The following MYO1D variants were observed in gnomAD, a reference collection of about 807,000 sequenced individuals.
MYO1D encodes the protein myosin ID.
MYO1D carries 83 observed loss-of-function variants against 122.0 expected under a neutral mutation model. The ratio of observed to expected loss-of-function variants is 0.68; its 90% CI spans 0.57 to 0.82. The LOEUF (loss-of-function observed/expected upper bound fraction) is 0.82, where lower values mean the gene tolerates loss of function less well. Among genes scored for constraint, MYO1D ranks in the 40% least tolerant of loss-of-function variants. MYO1D has a pLI of 0.00. For missense variants in MYO1D, 1,157 were observed against 1,269.5 expected, an observed-to-expected ratio of 0.91 and a Z score of 1.35; for synonymous variants, 464 against 446.9, an observed-to-expected ratio of 1.04 and a Z score of -0.48.
chr17:32,720,515 T>G lies in MYO1D; in HGVS notation c.1913+508A>C, dbSNP rs533296148. Among the ~76,000 whole-genome samples, 28 of 152,308 alleles carry G rather than the reference T, an allele frequency of 1.8e-4. No individual in the cohort carries two copies. In the South Asian group the frequency reaches 5.6e-3, roughly 30 times the overall value. On this transcript the variant is annotated intron_variant, in intron 15 of 21. Transcript: ENST00000318217. ...AGGCAGACTGATTTCAGGTCCTCCA[T>G]GCTTAACTCCTTAATATTTTATTAT...
intron 1 of MYO1D, among the ~76,000 whole-genome samples, chr17:32,834,458 T>C (rs2090802734): frequency 6.6e-6 from 1 of 152,214 alleles, no homozygotes; most frequent in South Asian, 2.1e-4. Flanking sequence ...ATGTGAATTA[T>C]CCTCAATTCT....
chr17:32,688,173 T>C (rs2089044627), intron 16 of MYO1D, among the ~76,000 whole-genome samples: 1 of 152,194 alleles, frequency 6.6e-6, no homozygotes, highest in Non-Finnish European at 1.5e-5. Context: ...GAGATTTGCC[T>C]TCCTTGCCCA....
At chr17:32,564,948 C>T (rs1327071650) in intron 21 of MYO1D, among the ~76,000 whole-genome samples, 1 of 152,232 alleles carries the variant, frequency 6.6e-6, no homozygotes. Context: ...GATGATAACT[C>T]TTCCTGCTTC....
At chr17:32,722,916 C>T (rs1195111930) in intron 14 of MYO1D, among the ~76,000 whole-genome samples, 1 of 151,982 alleles carries the variant, frequency 6.6e-6, no homozygotes, top group Non-Finnish European at 1.5e-5. Context: ...CAGAAAACTC[C>T]GTCATGTGCT....
At chr17:32,779,298 A>C (rs2090211940) in intron 2 of MYO1D, among the ~76,000 whole-genome samples, 1 of 152,124 alleles carries the variant, frequency 6.6e-6, no homozygotes, top group African/African-American at 2.4e-5. Flanking sequence ...AGTCATGGCT[A>C]AAATCTGGAA....
intron 21 of MYO1D, among the ~76,000 whole-genome samples, chr17:32,567,938 T>C (rs1446699827): frequency 6.6e-6 from 1 of 152,128 alleles, no homozygotes; most frequent in East Asian, 1.9e-4. Context: ...ATTCAGTAGT[T>C]TCAGGAAAGA....
At chr17:32,864,955 T>C (rs1362652173) in intron 1 of MYO1D, among the ~76,000 whole-genome samples, 1 of 152,176 alleles carries the variant, frequency 6.6e-6, no homozygotes, top group Non-Finnish European at 1.5e-5. Context: ...ACAGTTGTAC[T>C]CACTGACATT....
At chr17:32,776,764 A>G (rs1174422178) in intron 3 of MYO1D, among the ~76,000 whole-genome samples, 1 of 152,212 alleles carries the variant, frequency 6.6e-6, no homozygotes. Flanking sequence ...TCTCCTTTGT[A>G]CCAGCCATTT....
chr17:32,831,432 G>A (rs2090770659), intron 1 of MYO1D, among the ~76,000 whole-genome samples: 1 of 152,124 alleles, frequency 6.6e-6, no homozygotes, highest in African/African-American at 2.4e-5. Flanking sequence ...ACTAATTTGT[G>A]AACATTGCTT....
intron 20 of MYO1D, among the ~76,000 whole-genome samples, chr17:32,623,227 GA>G (rs1198688489): frequency 2.6e-5 from 4 of 152,142 alleles, no homozygotes; most frequent in Non-Finnish European, 4.4e-5. Flanking sequence ...TCTATGCTTA[GA>G]TATGGTTCCA....
intron 16 of MYO1D, among the ~76,000 whole-genome samples, chr17:32,691,649 C>T (rs936986804): frequency 3.9e-5 from 6 of 152,144 alleles, no homozygotes; most frequent in African/African-American, 7.2e-5. Context: ...TCAGGTGATC[C>T]GCCCACCTTG....
At chr17:32,651,674 CTT>C (rs869114531) in intron 19 of MYO1D, among the ~76,000 whole-genome samples, 17 of 134,086 alleles carry the variant, frequency 1.3e-4, no homozygotes, top group Admixed American at 2.2e-4. Flanking sequence ...CTTTTTCCCA[CTT>C]TTTTTTTTTT....
intron 20 of MYO1D, among the ~76,000 whole-genome samples, chr17:32,632,698 G>A (rs373730873): frequency 6.0e-5 from 9 of 150,598 alleles, no homozygotes; most frequent in Admixed American, 3.3e-4. Context: ...ATCATCCCCC[G>A]CTCTTTTTCC....
chr17:32,787,465 C>A (rs1255460512), intron 1 of MYO1D, among the ~76,000 whole-genome samples: 3 of 151,454 alleles, frequency 2.0e-5, no homozygotes, highest in African/African-American at 7.3e-5. Flanking sequence ...GTCGCCCAGG[C>A]TGGAGTGCAG....
intron 16 of MYO1D, among the ~76,000 whole-genome samples, chr17:32,679,265 TA>T (rs2088870591): frequency 1.3e-5 from 2 of 151,226 alleles, no homozygotes; most frequent in Non-Finnish European, 1.5e-5. Context: ...TTAGTTTAAT[TA>T]GATCCCATTT....
rs1217854904 is a variant in MYO1D at position 32,778,473 on chromosome 17, C to CTCT, written c.398+4_398+6dup. The CTCT allele has an allele frequency of 1.9e-6, 3 of 1,608,226 alleles. No individual in the cohort carries two copies. Among genetic ancestry groups the CTCT allele is most frequent in the Admixed American group, 3.3e-5 (2 of 60,014 alleles). ...AGAATTCCTCCCCATTATTAGAGTG[C>CTCT]TCTTACCTTTCAACCTCTGCTCTCT... On this transcript the variant is annotated splice_region_variant and intron_variant, in intron 3 of 21. Coordinates refer to ENST00000318217, the MANE Select transcript of MYO1D (RefSeq NM_015194.3).
intron 21 of MYO1D, among the ~76,000 whole-genome samples, chr17:32,573,531 T>C (rs1292440221): frequency 2.6e-5 from 4 of 152,148 alleles, no homozygotes; most frequent in Non-Finnish European, 4.4e-5. Context: ...TCTTCTTTTT[T>C]TTTTTTGAGG....
intron 1 of MYO1D, among the ~76,000 whole-genome samples, chr17:32,822,470 G>T (rs891196869): frequency 1.9e-3 from 286 of 149,512 alleles, no homozygotes; most frequent in African/African-American, 6.8e-3. Flanking sequence ...GGGCAGTGGT[G>T]GGGGGCGGGG....
At chr17:32,598,066 G>A (rs903858550) in intron 21 of MYO1D, among the ~76,000 whole-genome samples, 1 of 151,892 alleles carries the variant, frequency 6.6e-6, no homozygotes, top group Non-Finnish European at 1.5e-5. Flanking sequence ...GACTCGGAGA[G>A]GTACTGCAGT....
Sources: gnomAD v4.1 joint callset for allele counts (sites outside exome capture counted in the v4.1 genomes callset) on GRCh38, gnomAD v4.1.1 for gene constraint, MANE v1.5 for transcripts, NCBI Gene and HGNC (gene_info 2026-07-23, HGNC 2026-07-21) for gene names.